MARCHF1: variants seen among roughly 807,000 people sequenced by gnomAD.
MARCHF1 encodes the protein membrane associated ring-CH-type finger 1.
In MARCHF1, 40 loss-of-function variants were observed where a neutral mutation model predicts 54.2. The ratio of observed to expected loss-of-function variants is 0.74; its 90% CI spans 0.57 to 0.96. The LOEUF (loss-of-function observed/expected upper bound fraction) is 0.96, where lower values mean the gene tolerates loss of function less well. MARCHF1 is among the 40% of genes least tolerant of loss of function. MARCHF1 has a pLI of 0.00. For synonymous variants in MARCHF1, 236 were observed against 236.3 expected, an observed-to-expected ratio of 1.00 and a Z score of 0.01; for missense variants, 586 against 656.5, an observed-to-expected ratio of 0.89 and a Z score of 1.17.
chr4:164,283,443 C>T (rs1935641798), intron 1 of MARCHF1, among the ~76,000 whole-genome samples: 1 of 150,828 alleles, frequency 6.6e-6, no homozygotes, highest in African/African-American at 2.4e-5. Flanking sequence ...CCTAGCCTGC[C>T]TCAAGAAAGA....
At chr4:163,733,422 A>C (rs1156322701) in intron 4 of MARCHF1, among the ~76,000 whole-genome samples, 4 of 147,414 alleles carry the variant, frequency 2.7e-5, no homozygotes, top group African/African-American at 5.0e-5. Flanking sequence ...GGAAAAAAAA[A>C]ACCCAAAACT....
chr4:164,114,455 G>C (rs1755899713), intron 1 of MARCHF1, among the ~76,000 whole-genome samples: 1 of 151,654 alleles, frequency 6.6e-6, no homozygotes. Flanking sequence ...TCAAAAATAA[G>C]TATTAATGAA....
chr4:163,919,083 A>C (rs1030325219), intron 3 of MARCHF1, among the ~76,000 whole-genome samples: 2 of 152,158 alleles, frequency 1.3e-5, no homozygotes, highest in African/African-American at 4.8e-5. Context: ...ATATTGACAT[A>C]CAATCTATGA....
intron 3 of MARCHF1, among the ~76,000 whole-genome samples, chr4:163,896,153 C>T (rs1397082270): frequency 6.6e-6 from 1 of 151,782 alleles, no homozygotes; most frequent in Admixed American, 6.6e-5. Context: ...ATATATTGTG[C>T]CAAAAAAGAA....
chr4:163,611,782 G>A (rs1741350165), intron 7 of MARCHF1, among the ~76,000 whole-genome samples: 1 of 151,958 alleles, frequency 6.6e-6, no homozygotes, highest in African/African-American at 2.4e-5. Context: ...TGTGTCCTTT[G>A]AGTCTTCAAT....
At chr4:164,055,760 C>T (rs975008678) in intron 2 of MARCHF1, among the ~76,000 whole-genome samples, 2 of 152,274 alleles carry the variant, frequency 1.3e-5, no homozygotes, top group East Asian at 1.9e-4. Flanking sequence ...AAAATGCCTA[C>T]ATATATATGC....
rs528712267 is a variant in MARCHF1 at position 164,254,447 on chromosome 4, ATACT to A, written c.-323+129419_-323+129422del. On this transcript the variant is annotated intron_variant, in intron 1 of 9. Coordinates refer to ENST00000514618, the MANE Select transcript of MARCHF1 (RefSeq NM_001394959.1). ...ATATATGTATCAATATATAAGGTTA[ATACT>A]TAATTATATATGATAGTTTACACAC... Among the ~76,000 whole-genome samples the A allele has an allele frequency of 6.8e-3, 1,029 of 150,950 alleles. 8 individuals are homozygous for A. The highest frequency in any genetic ancestry group is 0.028 in the Middle Eastern group (8 of 284).
At chr4:163,904,690 G>A (rs1204515714) in intron 3 of MARCHF1, among the ~76,000 whole-genome samples, 2 of 152,146 alleles carry the variant, frequency 1.3e-5, no homozygotes, top group East Asian at 3.9e-4. Flanking sequence ...TCTATGAATA[G>A]GTCCCACTCT....
At chr4:163,605,855 A>G (rs1052468203) in intron 7 of MARCHF1, among the ~76,000 whole-genome samples, 3 of 152,100 alleles carry the variant, frequency 2.0e-5, no homozygotes, top group East Asian at 1.9e-4. Context: ...GAGTTGAACA[A>G]TTAGAACACA....
At chr4:163,691,424 T>C (rs1439352221) in intron 5 of MARCHF1, among the ~76,000 whole-genome samples, 1 of 152,148 alleles carries the variant, frequency 6.6e-6, no homozygotes, top group Non-Finnish European at 1.5e-5. Context: ...TCAAGTGATA[T>C]ACTAGGACAT....
intron 1 of MARCHF1, among the ~76,000 whole-genome samples, chr4:164,360,506 G>A (rs754584270): frequency 3.3e-5 from 5 of 152,030 alleles, no homozygotes; most frequent in Admixed American, 1.3e-4. Context: ...GTTCATATTC[G>A]AACAGGAATA....
intron 1 of MARCHF1, among the ~76,000 whole-genome samples, chr4:164,293,399 A>G (rs548123268): frequency 2.0e-5 from 3 of 152,236 alleles, no homozygotes; most frequent in Non-Finnish European, 1.5e-5. Flanking sequence ...GCCAGGGTAT[A>G]ACAAATTAAG....
chr4:164,264,917 T>C (rs1733566964), intron 1 of MARCHF1, among the ~76,000 whole-genome samples: 1 of 143,532 alleles, frequency 7.0e-6, no homozygotes, highest in Non-Finnish European at 1.5e-5. Context: ...CAAGACTCTG[T>C]CGAAAAAAAA....
rs576507439 is a variant in MARCHF1 at position 164,068,248 on chromosome 4, C to T, written c.-248+43340G>A. ...ACAGCGTGCTGGCAGCCCTCGCAGCCCTCGCTCACTCTCGGCACCTCCTCA... is the reference window on the plus strand; with the variant it reads ...ACAGCGTGCTGGCAGCCCTCGCAGCTCTCGCTCACTCTCGGCACCTCCTCA... On this transcript the variant is annotated intron_variant, in intron 2 of 9. Coordinates refer to ENST00000514618, the MANE Select transcript of MARCHF1 (RefSeq NM_001394959.1). Among the ~76,000 whole-genome samples the T allele has an allele frequency of 2.0e-5, 3 of 152,308 alleles. No homozygotes were observed. The South Asian group carries it at 6.2e-4, about 32-fold the overall frequency.
chr4:163,595,478 C>T (rs1740737072), intron 7 of MARCHF1, among the ~76,000 whole-genome samples: 1 of 152,084 alleles, frequency 6.6e-6, no homozygotes, highest in Non-Finnish European at 1.5e-5. Context: ...GATCATGCCA[C>T]TGCACTCCAT....
At chr4:164,214,069 T>C (rs1731859278) in intron 1 of MARCHF1, among the ~76,000 whole-genome samples, 1 of 152,086 alleles carries the variant, frequency 6.6e-6, no homozygotes, top group Non-Finnish European at 1.5e-5. Context: ...ACACCTACTA[T>C]GTACCCATAA....
chr4:164,282,495 C>T (rs781769648), intron 1 of MARCHF1, among the ~76,000 whole-genome samples: 9 of 150,780 alleles, frequency 6.0e-5, no homozygotes, highest in Non-Finnish European at 8.8e-5. Context: ...ATCCACCGTT[C>T]CAATAAATTT....
At chr4:163,551,178 T>C (rs1243921511) in intron 8 of MARCHF1, among the ~76,000 whole-genome samples, 2 of 152,268 alleles carry the variant, frequency 1.3e-5, no homozygotes, top group Non-Finnish European at 2.9e-5. Flanking sequence ...ATAATTCATT[T>C]ATTTGAACTG....
At chr4:163,832,821 CGAGT>C (rs1318029193) in intron 4 of MARCHF1, among the ~76,000 whole-genome samples, 1 of 90,738 alleles carries the variant, frequency 1.1e-5, no homozygotes, top group Non-Finnish European at 2.8e-5. Context: ...TTCCCACCTA[CGAGT>C]GAGAACATGC....
Sources: gnomAD v4.1 joint callset for allele counts (sites outside exome capture counted in the v4.1 genomes callset) on GRCh38, gnomAD v4.1.1 for gene constraint, MANE v1.5 for transcripts, NCBI Gene and HGNC (gene_info 2026-07-23, HGNC 2026-07-21) for gene names.